Variants in DLGAP2 observed in about 807,000 individuals in gnomAD.
The protein encoded by DLGAP2 is disks large-associated protein 2.
DLGAP2 carries 26 observed loss-of-function variants against 100.3 expected under a neutral mutation model. That is an observed-to-expected ratio of 0.26 (90% confidence interval 0.19 to 0.36). The LOEUF (loss-of-function observed/expected upper bound fraction) is 0.36. Ranked by LOEUF, DLGAP2 falls within the 10% of genes least tolerant of loss-of-function variation. The probability of loss-of-function intolerance (pLI) is 1.00; values close to 1 mark genes in which losing one functional copy is unlikely to be tolerated. For synonymous variants in DLGAP2, 886 were observed against 630.1 expected, an observed-to-expected ratio of 1.41 and a Z score of -6.08; for missense variants, 1,858 against 1,453.2, an observed-to-expected ratio of 1.28 and a Z score of -4.53.
At chr8:1,422,954 C>T (rs1176443689) in intron 3 of DLGAP2, among the ~76,000 whole-genome samples, 1 of 152,102 alleles carries the variant, frequency 6.6e-6, no homozygotes, top group African/African-American at 2.4e-5. Flanking sequence ...GGCCCCTTAG[C>T]CTGGGGAGGG....
intron 4 of DLGAP2, among the ~76,000 whole-genome samples, chr8:1,504,596 T>C (rs532514777): frequency 6.6e-6 from 1 of 152,344 alleles, no homozygotes; most frequent in South Asian, 2.1e-4. Flanking sequence ...CCTCTGCTTC[T>C]GAGTTCTATG....
intron 7 of DLGAP2, 93 bp downstream of exon 7, chr8:1,626,980 C>A: frequency 2.1e-6 from 3 of 1,452,510 alleles, no homozygotes; most frequent in Non-Finnish European, 2.8e-6. Flanking sequence ...ATGGCGCTGC[C>A]CTCCTGGTCA....
intron 2 of DLGAP2, among the ~76,000 whole-genome samples, chr8:1,164,013 C>CGA (rs1370796061): frequency 6.6e-6 from 1 of 152,218 alleles, no homozygotes; most frequent in Non-Finnish European, 1.5e-5. Flanking sequence ...TTTTCTTAGA[C>CGA]GAGACGCTTT....
At chr8:1,046,314 A>G (rs1162034076) in intron 2 of DLGAP2, among the ~76,000 whole-genome samples, 36 of 152,214 alleles carry the variant, frequency 2.4e-4, no homozygotes, top group Admixed American at 2.3e-3. Flanking sequence ...CAAAGTGTGC[A>G]TGTGACCGAG....
intron 6 of DLGAP2, among the ~76,000 whole-genome samples, chr8:1,613,110 T>C (rs36106124): frequency 9.1e-4 from 128 of 140,404 alleles, no homozygotes; most frequent in African/African-American, 3.1e-3. Flanking sequence ...TATTGCGGCA[T>C]TATTCACAAT....
intron 1 of DLGAP2, among the ~76,000 whole-genome samples, chr8:795,142 T>C (rs780428225): frequency 6.6e-6 from 1 of 152,212 alleles, no homozygotes; most frequent in Non-Finnish European, 1.5e-5. Flanking sequence ...TTAACAGCAG[T>C]TACGTTCTGT....
intron 3 of DLGAP2, among the ~76,000 whole-genome samples, chr8:1,269,950 A>G (rs565341963): frequency 6.6e-6 from 1 of 152,240 alleles, no homozygotes; most frequent in Non-Finnish European, 1.5e-5. Context: ...AGGCACATGC[A>G]GAATCCTGTG....
At chr8:1,319,932 A>G (rs1310080938) in intron 3 of DLGAP2, among the ~76,000 whole-genome samples, 1 of 152,146 alleles carries the variant, frequency 6.6e-6, no homozygotes, top group Admixed American at 6.5e-5. Flanking sequence ...GCCTTTGAGA[A>G]TGTGCCAGGA....
chr8:759,640 T>G (rs1821027961), intron 1 of DLGAP2, among the ~76,000 whole-genome samples: 1 of 152,198 alleles, frequency 6.6e-6, no homozygotes, highest in Non-Finnish European at 1.5e-5. Context: ...TGCATAGGTC[T>G]GAGTCCAGCA....
In DLGAP2 at chr8:1,208,909, T is replaced by TAAAA. The variant is rs1554503321; in HGVS notation, c.74-49941_74-49938dup. On this transcript the variant is annotated intron_variant, in intron 2 of 14. Transcript: ENST00000637795. ...ATAAATAAATAAATAAATAAATAAA[T>TAAAA]AAAATGCTTAGGAATATACCTAACC... Among the ~76,000 whole-genome samples, 339 of 142,672 alleles carry TAAAA rather than the reference T, an allele frequency of 2.4e-3. 6 individuals are homozygous for TAAAA. The highest frequency in any genetic ancestry group is 4.2e-3 in the Admixed American group (59 of 14,028). The allele number at this position is 142,672 out of a possible 152,430, so 93.6% of individuals were successfully genotyped here.
At chr8:802,012 G>A (rs1400453597) in intron 1 of DLGAP2, among the ~76,000 whole-genome samples, 6 of 148,454 alleles carry the variant, frequency 4.0e-5, no homozygotes, top group Non-Finnish European at 7.4e-5. Flanking sequence ...CTGAGGAACA[G>A]TCCGCACCCC....
chr8:808,746 G>A (rs1563042786), intron 1 of DLGAP2, among the ~76,000 whole-genome samples: 1 of 152,182 alleles, frequency 6.6e-6, no homozygotes, highest in Non-Finnish European at 1.5e-5. Flanking sequence ...CCCACCTCAC[G>A]CTTGTGGGAG....
chr8:1,320,254 C>G (rs574608136), intron 3 of DLGAP2, among the ~76,000 whole-genome samples: 1 of 152,174 alleles, frequency 6.6e-6, no homozygotes, highest in South Asian at 2.1e-4. Flanking sequence ...TGTGTTCTTC[C>G]TGAGCCCCAC....
chr8:847,772 G>A (rs1365357857), intron 1 of DLGAP2, among the ~76,000 whole-genome samples: 1 of 152,162 alleles, frequency 6.6e-6, no homozygotes, highest in Non-Finnish European at 1.5e-5. Context: ...CTCCCAAAGT[G>A]CTGGCATTAC....
At chr8:1,264,303 G>T (rs1004156382) in intron 3 of DLGAP2, among the ~76,000 whole-genome samples, 1 of 152,094 alleles carries the variant, frequency 6.6e-6, no homozygotes, top group Non-Finnish European at 1.5e-5. Context: ...GTTGCGGTCT[G>T]TGCCCTGTCA....
At chr8:989,740 A>G (rs980707566) in intron 2 of DLGAP2, among the ~76,000 whole-genome samples, 2 of 152,166 alleles carry the variant, frequency 1.3e-5, no homozygotes, top group Non-Finnish European at 2.9e-5. Flanking sequence ...AATTGGCTTA[A>G]TCTTATGAAA....
At position 783,717 on chromosome 8, in the gene DLGAP2, C is replaced by T. The variant is rs147213278; in HGVS notation, c.18+45892C>T. Among the ~76,000 whole-genome samples, 518 of 152,302 alleles carry T rather than the reference C, an allele frequency of 3.4e-3. 3 individuals carry two copies. The highest frequency in any genetic ancestry group is 0.012 in the African/African-American group (487 of 41,566). On this transcript the variant is annotated intron_variant, in intron 1 of 14. Coordinates refer to ENST00000637795, the MANE Select transcript of DLGAP2 (RefSeq NM_001346810.2). ...ACTGTGTTCTCAAACTCACCCTTCC[C>T]CCTCTTATGAAAGAGGGAAAAGGTG...
chr8:1,639,910 A>T (rs2130791751), intron 8 of DLGAP2, among the ~76,000 whole-genome samples: 1 of 152,232 alleles, frequency 6.6e-6, no homozygotes, highest in Admixed American at 6.5e-5. Context: ...CACTGGGATG[A>T]TCCAGGATCA....
chr8:1,358,444 T>C (rs1280053360), intron 3 of DLGAP2, among the ~76,000 whole-genome samples: 2 of 152,162 alleles, frequency 1.3e-5, no homozygotes. Flanking sequence ...AGGTAGATTT[T>C]AGCTGTTTCT....
Sources: gnomAD v4.1 joint callset for allele counts (sites outside exome capture counted in the v4.1 genomes callset) on GRCh38, gnomAD v4.1.1 for gene constraint, MANE v1.5 for transcripts, NCBI Gene and HGNC (gene_info 2026-07-23, HGNC 2026-07-21) for gene names.